ITPRID2: variants seen among roughly 807,000 people sequenced by gnomAD.
ITPRID2 encodes ITPR interacting domain containing 2.
Under a neutral mutation model 124.3 loss-of-function variants are expected in ITPRID2, and 60 were observed. The ratio of observed to expected loss-of-function variants is 0.48; its 90% CI spans 0.39 to 0.60. The LOEUF is 0.60. ITPRID2 is among the 20% of genes least tolerant of loss of function. ITPRID2 has a pLI of 0.00. For synonymous variants in ITPRID2, 521 were observed against 542.9 expected, an observed-to-expected ratio of 0.96 and a Z score of 0.56; for missense variants, 1,553 against 1,512.2, an observed-to-expected ratio of 1.03 and a Z score of -0.45.
At chr2:181,903,337 TGTG>T (rs1472699913) in intron 8 of ITPRID2, among the ~76,000 whole-genome samples, 4 of 152,212 alleles carry the variant, frequency 2.6e-5, no homozygotes, top group Admixed American at 2.6e-4. Context: ...AATGAAGAGT[TGTG>T]GCTATAAATT....
In ITPRID2 at chr2:181,922,330, A is replaced by G. The variant is rs762603529; in HGVS notation, c.3593A>G (p.His1198Arg). 9 of 1,614,130 alleles carry G rather than the reference A, an allele frequency of 5.6e-6. No homozygotes were observed. The highest frequency in any genetic ancestry group is 6.8e-6 in the Non-Finnish European group (8 of 1,180,056). The change falls in exon 16 of 18, where the codon CAT (histidine) becomes CGT (arginine). Residue 1198 changes from histidine (H) to arginine (R), a missense_variant. Transcript: ENST00000431877. ...CCTAAATCTGAAGTGGAAGAAGGGC[A>G]TGGAAAACTCCCATCAATGCCAGCT... is the stretch of plus-strand genomic sequence containing the variant. ...VGPKSEVEEG[H>R]GKLPSMPAAE...
At position 181,892,252 on chromosome 2, in the gene ITPRID2, G is replaced by C. The variant is rs370909929; in HGVS notation, c.186G>C (p.Ala62=). ...ACGAGGAGGAGGACCTCCCCGGCGC[G>C]CAGCTGCCGGCAGCGGGGGGAAGAG... ...EEDEEEDLPG[A]QLPAAGGRGN... is the part of the protein sequence containing the mutation. Residue 62 remains alanine (A), a synonymous_variant, in exon 1 of 18, where the codon GCG becomes GCC. Coordinates refer to ENST00000431877, the MANE Select transcript of ITPRID2 (RefSeq NM_001130445.3). This position sits in a 1 kb window ranked among gnomAD's most constrained non-coding sequence, Gnocchi z 5.2. 6.5e-6 allele frequency: 10 copies of C among 1,548,362 alleles called. No individual in the cohort carries two copies. In the East Asian group the frequency reaches 1.2e-4, roughly 19 times the overall value.
chr2:181,902,161 G>A lies in ITPRID2; in HGVS notation c.1108G>A (p.Val370Ile). 6.2e-7 allele frequency: 1 copy of A among 1,613,822 alleles called. No individual in the cohort carries two copies. The highest frequency in any genetic ancestry group is 1.3e-5 in the African/African-American group (1 of 75,052). The change falls in exon 8 of 18, where the codon GTT becomes ATT. Residue 370 changes from valine (V) to isoleucine (I), a missense_variant. Transcript: ENST00000431877. The surrounding 1 kb of genome is among the most constrained non-coding windows in gnomAD (Gnocchi z 4.4). ...KEEVSGSSAA[V>I]TENADSDRIS... ...AGAAGTCTCTGGTAGTTCAGCAGCT[G>A]TTACGGAGAATGCTGATAGTGATAG...
At chr2:181,911,175 T>C (rs944078193) in intron 9 of ITPRID2, among the ~76,000 whole-genome samples, 1 of 152,204 alleles carries the variant, frequency 6.6e-6, no homozygotes, top group Non-Finnish European at 1.5e-5. Flanking sequence ...TCTGTGTGCA[T>C]GAGAGAGAAG....
Position 181,899,535 on chromosome 2 carries a change from T to C in ITPRID2, c.503+423T>C, listed in dbSNP as rs546299406. On this transcript the variant is annotated intron_variant, in intron 6 of 17. Coordinates refer to ENST00000431877, the MANE Select transcript of ITPRID2 (RefSeq NM_001130445.3). ...TTTTTTCAACACATTAAACCAAAGA[T>C]CTTTCAAATATATAGTATAGCCAGG... Among the ~76,000 whole-genome samples the C allele has an allele frequency of 2.8e-4, 43 of 152,294 alleles. 1 individual carries two copies. The highest frequency in any genetic ancestry group is 9.4e-4 in the African/African-American group (39 of 41,564).
At chr2:181,913,300 C>T (rs1169216372) in intron 9 of ITPRID2, among the ~76,000 whole-genome samples, 1 of 152,184 alleles carries the variant, frequency 6.6e-6, no homozygotes, top group Admixed American at 6.5e-5. Context: ...ATCTCCTAAC[C>T]TCGTGATCCG....
In ITPRID2 at chr2:181,922,343, A is replaced by G. The variant is rs374175404; in HGVS notation, c.3606A>G (p.Pro1202=). The G allele has an allele frequency of 5.0e-6, 8 of 1,614,216 alleles. No homozygotes were observed. The East Asian group carries it at 1.3e-4, about 27-fold the overall frequency. Residue 1202 remains proline, a synonymous_variant, in exon 16 of 18, where the codon CCA becomes CCG. Transcript: ENST00000431877. ...SEVEEGHGKL[P]SMPAAEEMHK... The stretch of plus-strand genomic sequence containing the variant: ...TGGAAGAAGGGCATGGAAAACTCCC[A>G]TCAATGCCAGCTGCTGAGGAAATGC...
At chr2:181,913,231 C>T (rs890131853) in intron 9 of ITPRID2, among the ~76,000 whole-genome samples, 1 of 152,102 alleles carries the variant, frequency 6.6e-6, no homozygotes, top group Non-Finnish European at 1.5e-5. Context: ...CCACGCCTGG[C>T]TAATTTTTTG....
Position 181,922,407 on chromosome 2 carries a change from C to T in ITPRID2, c.3670C>T (p.Arg1224Trp), listed in dbSNP as rs140527145. 145 of 1,604,818 alleles carry T rather than the reference C, an allele frequency of 9.0e-5. No homozygotes were observed. Among genetic ancestry groups the T allele is most frequent in the East Asian group, 5.8e-4 (26 of 44,758 alleles). Residue 1224 changes from arginine to tryptophan, a missense_variant, in exon 16 of 18, where the codon CGG becomes TGG. Physicochemically the swap from Arg to Trp is moderately radical, Grantham distance 101. Transcript: ENST00000431877. ...GCAAGATGAGTTGCAGCAAGTCATA[C>T]GGGAGGTGGGTAAAATCTGTGTTTC... ...VEQDELQQVI[R>W]EIKESIVGEI...
rs1037094589 is a variant in ITPRID2, at chr2:181,892,752, C to T, written c.257+92C>T. ...CACTCGGGCCGCGTCCCTGTGGGTC[C>T]CGCGACCGTTGTAAGCTACAAACCG... is the stretch of plus-strand genomic sequence containing the variant. On this transcript the variant is annotated intron_variant, in intron 2 of 17. Transcript: ENST00000431877. This position sits in a 1 kb window ranked among gnomAD's most constrained non-coding sequence, Gnocchi z 5.2. The T allele has an allele frequency of 9.5e-6, 14 of 1,480,922 alleles. No individual in the cohort carries two copies. Among genetic ancestry groups the T allele is most frequent in the Non-Finnish European group, 1.2e-5 (13 of 1,064,434 alleles). The allele number at this position is 1,480,922 out of a possible 1,614,324, so 91.7% of individuals were successfully genotyped here.
intron 4 of ITPRID2, 64 bp downstream of exon 4, chr2:181,897,028 T>C: frequency 7.1e-7 from 1 of 1,410,346 alleles, no homozygotes; most frequent in Non-Finnish European, 1.0e-6. Flanking sequence ...ATGAGAAAGC[T>C]GAATGGTTTC....
At chr2:181,899,715 C>T (rs902958750) in intron 6 of ITPRID2, among the ~76,000 whole-genome samples, 2 of 152,064 alleles carry the variant, frequency 1.3e-5, no homozygotes, top group Non-Finnish European at 2.9e-5. Flanking sequence ...ATGGTGGGAT[C>T]CACCTGTAGT....
Position 181,900,754 on chromosome 2 carries a change from G to T in ITPRID2, c.562G>T (p.Gly188Ter). The T allele has an allele frequency of 6.2e-7, 1 of 1,612,694 alleles. No homozygotes were observed. Among genetic ancestry groups the T allele is most frequent in the Non-Finnish European group, 8.5e-7 (1 of 1,179,428 alleles). The change falls in exon 7 of 18, where the codon GGA (glycine) becomes TGA (stop). Residue 188 changes from glycine (G) to a stop codon, truncating the protein, a stop_gained. Coordinates refer to ENST00000431877, the MANE Select transcript of ITPRID2 (RefSeq NM_001130445.3). LOFTEE classifies it high-confidence loss of function. ...EDPEEILYNL[G>*]FGRDEPDIAS... ...TCCTGAAGAAATTCTTTATAATCTT[G>T]GATTTGGACGTGATGAACCAGATAT...
intron 17 of ITPRID2, 72 bp from the exon 18 acceptor site, chr2:181,929,489 C>T (rs779803750): frequency 6.0e-6 from 6 of 1,005,810 alleles, no homozygotes; most frequent in African/African-American, 1.6e-5. Context: ...AAATTCTCAT[C>T]TTCCTTTAAA....
intron 16 of ITPRID2, among the ~76,000 whole-genome samples, chr2:181,927,896 G>A (rs892871560): frequency 6.6e-6 from 1 of 152,152 alleles, no homozygotes; most frequent in African/African-American, 2.4e-5. Context: ...TTTAACTTAT[G>A]AAATAACATT....
rs559092692 is a variant in ITPRID2, at chr2:181,929,867, T to C, written c.*320T>C. On this transcript the variant is annotated 3_prime_UTR_variant, in exon 18 of 18. Coordinates refer to ENST00000431877, the MANE Select transcript of ITPRID2 (RefSeq NM_001130445.3). ...TAAAACTTGAAGACTTCCAGACTTA[T>C]CCAACTTATAAATAACATATTTCTT... 421 of 350,008 alleles carry C rather than the reference T, an allele frequency of 1.2e-3. 21 individuals are homozygous for C. The South Asian group carries it at 0.028, about 24-fold the overall frequency. 21.7% of individuals were successfully genotyped at this position (350,008 alleles called of 1,614,324 possible).
In ITPRID2 at chr2:181,899,010, G is replaced by T. The variant is rs200615413; in HGVS notation, c.405-4G>T. 3.1e-6 allele frequency: 5 copies of T among 1,606,448 alleles called. No individual in the cohort carries two copies. In the Admixed American group the frequency reaches 5.1e-5, roughly 16 times the overall value. ...AGTTTTATATAATCTGATTTTGTTC[G>T]TAGCAATAATATCTTGGCCAAAGAG... On this transcript the variant is annotated splice_polypyrimidine_tract_variant and splice_region_variant and intron_variant, in intron 5 of 17. Transcript: ENST00000431877.
chr2:181,926,063 C>T (rs1175639209), intron 16 of ITPRID2, among the ~76,000 whole-genome samples: 3 of 151,314 alleles, frequency 2.0e-5, no homozygotes, highest in Non-Finnish European at 2.9e-5. Flanking sequence ...CACCTGAGGT[C>T]AGGAGTTCGA....
intron 16 of ITPRID2, among the ~76,000 whole-genome samples, chr2:181,926,644 C>T (rs1325966183): frequency 8.2e-5 from 12 of 145,486 alleles, no homozygotes; most frequent in Admixed American, 3.6e-4. Flanking sequence ...ACCCAGGAGG[C>T]GGAGCTTGCA....
Sources: gnomAD v4.1 joint callset for allele counts (sites outside exome capture counted in the v4.1 genomes callset) on GRCh38, gnomAD v4.1.1 for gene constraint, Gnocchi (gnomAD v3.1) non-coding constraint, MANE v1.5 for transcripts, NCBI Gene and HGNC (gene_info 2026-07-23, HGNC 2026-07-21) for gene names.